CREBBP: variants seen among roughly 807,000 people sequenced by gnomAD.
CREBBP encodes the protein CREB binding lysine acetyltransferase.
Under a neutral mutation model 265.0 loss-of-function variants are expected in CREBBP, and 19 were observed. That is an observed-to-expected ratio of 0.07 (90% confidence interval 0.05 to 0.11). CREBBP has a LOEUF of 0.11. Among genes scored for constraint, CREBBP ranks in the 10% least tolerant of loss-of-function variants. The pLI is 1.00. For missense variants in CREBBP, 2,525 were observed against 3,219.0 expected, an observed-to-expected ratio of 0.78 and a Z score of 5.22; for synonymous variants, 1,457 against 1,223.7, an observed-to-expected ratio of 1.19 and a Z score of -3.98.
At chr16:3,772,303 A>T (rs2053030169) in intron 13 of CREBBP, among the ~76,000 whole-genome samples, 3 of 133,936 alleles carry the variant, frequency 2.2e-5, no homozygotes, top group Non-Finnish European at 4.5e-5. Flanking sequence ...TAAAAATTTA[A>T]AAAAAAAATT....
chr16:3,742,751 C>G (rs1260258388), intron 23 of CREBBP: 1 of 152,070 alleles, frequency 6.6e-6, no homozygotes, highest in African/African-American at 2.4e-5. Flanking sequence ...ACCACAACGC[C>G]TGTGCTGACA....
intron 1 of CREBBP, among the ~76,000 whole-genome samples, chr16:3,871,550 A>G (rs2055300510): frequency 6.6e-6 from 1 of 152,258 alleles, no homozygotes; most frequent in Admixed American, 6.5e-5. Flanking sequence ...GTCCTCATTC[A>G]GTTTGTAATC....
intron 25 of CREBBP, chr16:3,739,317 TC>T: frequency 1.9e-6 from 1 of 515,370 alleles, no homozygotes; most frequent in Admixed American, 3.2e-5. Flanking sequence ...CCATCCCAAC[TC>T]CCCAGGTTTA....
chr16:3,779,548 G>C (rs1476326906), intron 8 of CREBBP, among the ~76,000 whole-genome samples: 2 of 152,146 alleles, frequency 1.3e-5, no homozygotes, highest in African/African-American at 2.4e-5. Flanking sequence ...ATACAGTGTG[G>C]AGAGAAATGC....
At position 3,731,558 on chromosome 16, in the gene CREBBP, T is replaced by A; in HGVS notation, c.4891-85A>T. The A allele has an allele frequency of 6.6e-7, 1 of 1,510,308 alleles. No individual in the cohort carries two copies. The allele number at this position is 1,510,308 out of a possible 1,614,324, so 93.6% of individuals were successfully genotyped here. ...TCAGGGCAGGCGCAGCCACCCAGCC[T>A]GCAGAATAGGCAGGTGGCTGAGCCT... On this transcript the variant is annotated intron_variant, in intron 29 of 30. Coordinates refer to ENST00000262367, the MANE Select transcript of CREBBP (RefSeq NM_004380.3). This position sits in a 1 kb window ranked among gnomAD's most constrained non-coding sequence, Gnocchi z 7.7.
chr16:3,781,775 C>T lies in CREBBP; in HGVS notation c.1574-469G>A, dbSNP rs185600345. The stretch of plus-strand genomic sequence containing the variant: ...TCTACAATCTTCCTATTAAAGGAAA[C>T]GAAAGCTGAGACTAAAAAAGGTTAA... On this transcript the variant is annotated intron_variant, in intron 6 of 30. Transcript: ENST00000262367. Among the ~76,000 whole-genome samples, 11 of 152,192 alleles carry T rather than the reference C, an allele frequency of 7.2e-5. No homozygotes were observed. The South Asian group carries it at 8.3e-4, about 11-fold the overall frequency.
chr16:3,766,294 C>A (rs1050361136), intron 16 of CREBBP, among the ~76,000 whole-genome samples: 2 of 152,326 alleles, frequency 1.3e-5, no homozygotes, highest in East Asian at 3.9e-4. Flanking sequence ...AGAATATCCA[C>A]AATCAGCTGA....
rs1182332461 is a variant in CREBBP, at chr16:3,782,685, C to T, written c.1572G>A (p.Leu524=). 1.2e-6 allele frequency: 2 copies of T among 1,613,846 alleles called. No homozygotes were observed. The highest frequency in any genetic ancestry group is 1.7e-6 in the Non-Finnish European group (2 of 1,179,932). Residue 524 remains leucine (L), a splice_region_variant and synonymous_variant, in exon 6 of 31, where the codon CTG becomes CTA. Transcript: ENST00000262367. ...GAAGTTGAGAGTTCCTTCACCTACCCAGGGGGTTGAGAGTCCTCATCTGCT... is the reference window on the plus strand; with the variant it reads ...GAAGTTGAGAGTTCCTTCACCTACCTAGGGGGTTGAGAGTCCTCATCTGCT... ...THQQMRTLNP[L]GNNPMNIPAG...
intron 21 of CREBBP, among the ~76,000 whole-genome samples, chr16:3,746,265 C>T (rs1199115731): frequency 1.3e-5 from 2 of 152,200 alleles, no homozygotes; most frequent in South Asian, 2.1e-4. Flanking sequence ...ACGTGCTATG[C>T]AAGCCCTCAG....
chr16:3,877,699 C>G (rs2055432687), intron 1 of CREBBP, among the ~76,000 whole-genome samples: 1 of 152,242 alleles, frequency 6.6e-6, no homozygotes, highest in South Asian at 2.1e-4. Context: ...GCCATGGCGC[C>G]CAGCAGCCCC....
At chr16:3,756,504 A>C (rs189486629) in intron 19 of CREBBP, among the ~76,000 whole-genome samples, 165 of 152,358 alleles carry the variant, frequency 1.1e-3, no homozygotes, top group African/African-American at 3.1e-3. Context: ...CCATCTTCAT[A>C]TTCCAAAAGA....
At chr16:3,806,534 G>A (rs2053833934) in intron 3 of CREBBP, among the ~76,000 whole-genome samples, 1 of 151,838 alleles carries the variant, frequency 6.6e-6, no homozygotes, top group African/African-American at 2.4e-5. Context: ...ACCTGAAGAT[G>A]AGGCCCCTCT....
intron 2 of CREBBP, among the ~76,000 whole-genome samples, chr16:3,814,350 A>G (rs766462280): frequency 1.3e-5 from 2 of 151,786 alleles, no homozygotes; most frequent in Non-Finnish European, 2.9e-5. Flanking sequence ...CGCCTCCCAG[A>G]TTCAAGCAAT....
chr16:3,738,632 G>A lies in CREBBP; in HGVS notation c.4321C>T (p.Arg1441Trp), dbSNP rs1271038944. ...ACGGCTGTGCGGAGGCAACGTGGCC[G>A]GAAGAAATGAATACTATCCAGATAA... is the stretch of plus-strand genomic sequence containing the variant. ...ISYLDSIHFF[R>W]PRCLRTAVYH... The change falls in exon 26 of 31, where the codon CGG (arginine) becomes TGG (tryptophan). Residue 1441 changes from arginine (R) to tryptophan (W), a missense_variant. Transcript: ENST00000262367. 1.9e-6 allele frequency: 3 copies of A among 1,613,738 alleles called. No homozygotes were observed. Among genetic ancestry groups the A allele is most frequent in the Non-Finnish European group, 8.5e-7 (1 of 1,179,686 alleles).
At position 3,850,731 on chromosome 16, in the gene CREBBP, G is replaced by A. The variant is rs745398579; in HGVS notation, c.364C>T (p.Pro122Ser). ...MASLSAMGKS[P>S]LSQGDSSAPS... ...GCTGAAGAATCTCCCTGGCTCAGAG[G>A]GCTCTTGCCCATGGCACTGAGGCTG... The change falls in exon 2 of 31, where the codon CCT becomes TCT. Residue 122 changes from proline (P) to serine (S), a missense_variant. This residue lies in a region of CREBBP where 356 missense variants were observed against 340.4 expected (regional missense o/e 1.05). Coordinates refer to ENST00000262367, the MANE Select transcript of CREBBP (RefSeq NM_004380.3). 6.2e-7 allele frequency: 1 copy of A among 1,614,046 alleles called. No homozygotes were observed. Among genetic ancestry groups the A allele is most frequent in the Admixed American group, 1.7e-5 (1 of 60,024 alleles).
intron 3 of CREBBP, among the ~76,000 whole-genome samples, chr16:3,809,973 G>T (rs560004142): frequency 2.0e-5 from 3 of 151,818 alleles, no homozygotes; most frequent in Admixed American, 2.0e-4. Flanking sequence ...ACAAAAGAAC[G>T]CACTACCCCT....
chr16:3,748,156 G>A (rs992862324), intron 21 of CREBBP, among the ~76,000 whole-genome samples: 1 of 151,996 alleles, frequency 6.6e-6, no homozygotes, highest in Non-Finnish European at 1.5e-5. Flanking sequence ...GCGGGCACCT[G>A]TAATCCCAGC....
intron 8 of CREBBP, among the ~76,000 whole-genome samples, chr16:3,779,108 A>G (rs1204730975): frequency 6.6e-6 from 1 of 151,422 alleles, no homozygotes; most frequent in South Asian, 2.1e-4. Context: ...CAGAGGTTGC[A>G]GTGAGCTGAG....
chr16:3,852,070 A>G (rs970834639), intron 1 of CREBBP, among the ~76,000 whole-genome samples: 1 of 143,208 alleles, frequency 7.0e-6, no homozygotes, highest in African/African-American at 2.6e-5. Flanking sequence ...AAAAAAAAAA[A>G]AAAAAGAATG....
Sources: allele counts gnomAD v4.1 joint callset (sites outside exome capture counted in the v4.1 genomes callset), GRCh38; gene constraint gnomAD v4.1.1; regional missense constraint gnomAD v4.1.1; non-coding constraint Gnocchi (gnomAD v3.1); transcripts MANE v1.5; gene names NCBI Gene and HGNC (gene_info 2026-07-23, HGNC 2026-07-21).